Variants in RNF180 observed in about 807,000 individuals in gnomAD.
RNF180 encodes the protein E3 ubiquitin-protein ligase RNF180.
Under a neutral mutation model 59.2 loss-of-function variants are expected in RNF180, and 38 were observed. That is an observed-to-expected ratio of 0.64 (90% CI 0.50 to 0.84). RNF180 has a LOEUF of 0.84. Ranked by LOEUF, RNF180 falls within the 40% of genes least tolerant of loss-of-function variation. The pLI, the probability that RNF180 is intolerant of heterozygous loss-of-function variation, is 0.00. For synonymous variants in RNF180, 262 were observed against 240.3 expected, an observed-to-expected ratio of 1.09 and a Z score of -0.84; for missense variants, 705 against 700.9, an observed-to-expected ratio of 1.01 and a Z score of -0.07.
intron 2 of RNF180, among the ~76,000 whole-genome samples, chr5:64,208,921 C>T (rs1314817637): frequency 1.3e-5 from 2 of 151,852 alleles, no homozygotes; most frequent in Non-Finnish European, 2.9e-5. Context: ...GGAATTTTTT[C>T]TAAACATACC....
In RNF180 at chr5:64,200,852, G is replaced by A; in HGVS notation, c.45G>A (p.Glu15=). 1 of 1,611,804 alleles carries A rather than the reference G, an allele frequency of 6.2e-7. No individual in the cohort carries two copies. The highest frequency in any genetic ancestry group is 8.5e-7 in the Non-Finnish European group (1 of 1,178,016). Reference sequence around the variant, plus strand: ...TGATAACTAAAAATCATAGTCAAGAGGAAACAAGTATTCTTCGTTGTTGGA... The same window carrying A: ...TGATAACTAAAAATCATAGTCAAGAAGAAACAAGTATTCTTCGTTGTTGGA... ...KELITKNHSQ[E]ETSILRCWKC... The change falls in exon 2 of 8, where the codon GAG becomes GAA. Residue 15 remains glutamate, a synonymous_variant. Transcript: ENST00000389100.
chr5:64,315,221 C>T (rs1050032405), intron 5 of RNF180, among the ~76,000 whole-genome samples: 9 of 152,158 alleles, frequency 5.9e-5, no homozygotes, highest in African/African-American at 1.7e-4. Context: ...TAAGCAAAAA[C>T]AAATTTTACA....
intron 5 of RNF180, among the ~76,000 whole-genome samples, chr5:64,243,192 A>G (rs1300326646): frequency 6.6e-6 from 1 of 152,146 alleles, no homozygotes; most frequent in Admixed American, 6.5e-5. Context: ...TACCTGCAGG[A>G]GATTTTTTTT....
At chr5:64,346,880 T>G (rs985266121) in intron 7 of RNF180, among the ~76,000 whole-genome samples, 1 of 152,176 alleles carries the variant, frequency 6.6e-6, no homozygotes, top group Non-Finnish European at 1.5e-5. Context: ...AGAATAGAAT[T>G]GTGGACTCAG....
At chr5:64,347,694 A>T (rs368268033) in intron 7 of RNF180, among the ~76,000 whole-genome samples, 2 of 152,170 alleles carry the variant, frequency 1.3e-5, no homozygotes, top group African/African-American at 4.8e-5. Flanking sequence ...ATAATATGAA[A>T]TGTTTTAATA....
intron 7 of RNF180, among the ~76,000 whole-genome samples, chr5:64,331,400 A>G (rs1053745978): frequency 3.9e-5 from 6 of 152,274 alleles, no homozygotes; most frequent in East Asian, 1.9e-4. Context: ...AGGCCTGCCT[A>G]TGGCCACCCA....
intron 5 of RNF180, among the ~76,000 whole-genome samples, chr5:64,322,728 A>C (rs1390798031): frequency 2.0e-5 from 3 of 152,012 alleles, no homozygotes; most frequent in African/African-American, 7.2e-5. Context: ...TTCTAAGTGA[A>C]GTAACTCAGG....
intron 5 of RNF180, among the ~76,000 whole-genome samples, chr5:64,225,817 G>T (rs1741697220): frequency 6.8e-6 from 1 of 147,500 alleles, no homozygotes; most frequent in African/African-American, 2.5e-5. Context: ...GAGTGCCTCT[G>T]CCCGGCCGCC....
Position 64,213,567 on chromosome 5 carries a change from A to C in RNF180, c.241A>C (p.Thr81Pro). 1 of 1,611,846 alleles carries C rather than the reference A, an allele frequency of 6.2e-7. No individual in the cohort carries two copies. Among genetic ancestry groups the C allele is most frequent in the Non-Finnish European group, 8.5e-7 (1 of 1,178,298 alleles). Reference sequence around the variant, plus strand: ...TCTTTATTACCTGTAGGCCCAGTGGACAGTTGGAAAACTGAATTGTCCTTT... The same window carrying C: ...TCTTTATTACCTGTAGGCCCAGTGGCCAGTTGGAAAACTGAATTGTCCTTT... ...ISCLIQKAQW[T>P]VGKLNCPFCG... is the part of the protein sequence containing the mutation. Residue 81 changes from threonine to proline, a missense_variant, in exon 4 of 8, where the codon ACA (threonine) becomes CCA (proline). By Grantham distance (38) the Thr-to-Pro change is conservative. Coordinates refer to ENST00000389100, the MANE Select transcript of RNF180 (RefSeq NM_001113561.2).
intron 2 of RNF180, among the ~76,000 whole-genome samples, chr5:64,210,320 C>T (rs148593677): frequency 1.3e-5 from 2 of 152,038 alleles, no homozygotes; most frequent in Non-Finnish European, 2.9e-5. Context: ...TCCTTCAGTG[C>T]TAGTCAAAAG....
rs1298811241 is a variant in RNF180 at position 64,310,545 on chromosome 5, G to A, written c.1228-14641G>A. 3.3e-5 allele frequency among the ~76,000 whole-genome samples: 5 copies of A among 150,418 alleles called. No homozygotes were observed. In the South Asian group the frequency reaches 1.0e-3, roughly 31 times the overall value. ...AAAAAAAAAAAGAAACCCTGTTACT[G>A]ATATAACAGTTTTTGTAGTACTTGA... On this transcript the variant is annotated intron_variant, in intron 5 of 7. Coordinates refer to ENST00000389100, the MANE Select transcript of RNF180 (RefSeq NM_001113561.2).
At chr5:64,264,220 CTT>C (rs915282199) in intron 5 of RNF180, among the ~76,000 whole-genome samples, 3 of 151,964 alleles carry the variant, frequency 2.0e-5, no homozygotes, top group African/African-American at 7.2e-5. Flanking sequence ...TAAGAAACAT[CTT>C]TTTTTTATTT....
intron 7 of RNF180, among the ~76,000 whole-genome samples, chr5:64,345,479 T>C (rs1168834826): frequency 6.6e-6 from 1 of 151,058 alleles, no homozygotes; most frequent in Non-Finnish European, 1.5e-5. Context: ...AACACTGATA[T>C]AAGAGAAAAA....
At chr5:64,217,268 G>A in intron 4 of RNF180, 93 bp from the exon 5 acceptor site, 1 of 1,285,560 alleles carries the variant, frequency 7.8e-7, no homozygotes, top group Non-Finnish European at 9.9e-7. Flanking sequence ...TGAAGGACAA[G>A]TGGATTGTTT....
chr5:64,313,317 C>T (rs1234414050), intron 5 of RNF180, among the ~76,000 whole-genome samples: 1 of 152,046 alleles, frequency 6.6e-6, no homozygotes, highest in Non-Finnish European at 1.5e-5. Context: ...TCTCCCTTTA[C>T]CCATAAATAG....
At chr5:64,365,439 T>C (rs1561282680) in intron 7 of RNF180, among the ~76,000 whole-genome samples, 3 of 151,792 alleles carry the variant, frequency 2.0e-5, no homozygotes, top group Admixed American at 1.3e-4. Flanking sequence ...AATTTTAGAG[T>C]ATATGCCATG....
Position 64,225,451 on chromosome 5 carries a change from C to T in RNF180, c.1227+8055C>T, listed in dbSNP as rs1307764742. Among the ~76,000 whole-genome samples, 17 of 140,008 alleles carry T rather than the reference C, an allele frequency of 1.2e-4. 2 individuals carry two copies. Among genetic ancestry groups the T allele is most frequent in the African/African-American group, 3.7e-4 (14 of 37,794 alleles). The allele number at this position is 140,008 out of a possible 152,430, so 91.9% of individuals were successfully genotyped here. A position where few individuals can be genotyped will look rare whatever the true frequency, so the allele number is the denominator to read the frequency against. On this transcript the variant is annotated intron_variant, in intron 5 of 7. Transcript: ENST00000389100. ...GGAGCGCCTCTGCCCAGCCGGCCAT[C>T]GTCTGGGATGTGAGGAGTGCCTCTG...
At chr5:64,247,579 AC>A (rs1196215834) in intron 5 of RNF180, among the ~76,000 whole-genome samples, 6 of 152,238 alleles carry the variant, frequency 3.9e-5, no homozygotes, top group Non-Finnish European at 8.8e-5. Flanking sequence ...TTCAAGGAGA[AC>A]TACAAACCAC....
intron 5 of RNF180, among the ~76,000 whole-genome samples, chr5:64,319,138 T>C (rs1260710045): frequency 6.6e-6 from 1 of 151,676 alleles, no homozygotes; most frequent in Non-Finnish European, 1.5e-5. Context: ...CTCTGTACTT[T>C]CTGCACAATT....
Sources: allele counts gnomAD v4.1 joint callset (sites outside exome capture counted in the v4.1 genomes callset), GRCh38; gene constraint gnomAD v4.1.1; transcripts MANE v1.5; gene names NCBI Gene and HGNC (gene_info 2026-07-23, HGNC 2026-07-21).